Variants in BLMH observed in about 807,000 individuals in gnomAD.
BLMH encodes the protein bleomycin hydrolase.
A neutral mutation model predicts 61.6 loss-of-function variants in BLMH; 32 were observed. That is an observed-to-expected ratio of 0.52 (90% CI 0.39 to 0.70). The LOEUF (loss-of-function observed/expected upper bound fraction) is 0.70. BLMH is among the 30% of genes least tolerant of loss of function. BLMH has a pLI of 0.00. For synonymous variants in BLMH, 183 were observed against 193.8 expected, an observed-to-expected ratio of 0.94 and a Z score of 0.46; for missense variants, 460 against 555.5, an observed-to-expected ratio of 0.83 and a Z score of 1.73.
chr17:30,248,969 G>A lies in BLMH; in HGVS notation c.*48C>T. Reference sequence around the variant, plus strand: ...GCTTCAGTCCCTGGATCTGTCCTTTGCAGCTACGTCAGGTTCCATGGAAGG... The same window carrying A: ...GCTTCAGTCCCTGGATCTGTCCTTTACAGCTACGTCAGGTTCCATGGAAGG... On this transcript the variant is annotated 3_prime_UTR_variant, in exon 12 of 12. Coordinates refer to ENST00000261714, the MANE Select transcript of BLMH (RefSeq NM_000386.4). 1 of 1,606,034 alleles carries A rather than the reference G, an allele frequency of 6.2e-7. No homozygotes were observed. The highest frequency in any genetic ancestry group is 2.2e-5 in the East Asian group (1 of 44,844).
rs1012387288 is a variant in BLMH, at chr17:30,248,821, CTCTT to C, written c.*192_*195del. The C allele has an allele frequency of 1.7e-6, 1 of 605,582 alleles. No homozygotes were observed. Among genetic ancestry groups the C allele is most frequent in the African/African-American group, 1.9e-5 (1 of 53,580 alleles). 37.5% of individuals were successfully genotyped at this position (605,582 alleles called of 1,614,324 possible). A position where few individuals can be genotyped will look rare whatever the true frequency, so the allele number is the denominator to read the frequency against. On this transcript the variant is annotated 3_prime_UTR_variant, in exon 12 of 12. Coordinates refer to ENST00000261714, the MANE Select transcript of BLMH (RefSeq NM_000386.4). ...AGATAGTATGACCTGATCTTCCCCCCTCTTTTTTTTCCTTTAACAGTATTCTGTT... is the reference window on the plus strand; with the variant it reads ...AGATAGTATGACCTGATCTTCCCCCCTTTTTTCCTTTAACAGTATTCTGTT...
intron 6 of BLMH, among the ~76,000 whole-genome samples, chr17:30,277,383 TGAA>T (rs777540277): frequency 1.3e-5 from 2 of 152,258 alleles, no homozygotes; most frequent in African/African-American, 2.4e-5. Context: ...TCTGTCATTA[TGAA>T]GAAGACATTG....
intron 2 of BLMH, among the ~76,000 whole-genome samples, chr17:30,290,139 G>A (rs1908844452): frequency 1.3e-5 from 2 of 152,220 alleles, no homozygotes; most frequent in Middle Eastern, 3.4e-3. Context: ...CTATTAGTTC[G>A]TCTTTACCTT....
intron 6 of BLMH, among the ~76,000 whole-genome samples, chr17:30,282,430 C>G (rs1475087804): frequency 1.3e-5 from 2 of 152,084 alleles, no homozygotes; most frequent in African/African-American, 4.8e-5. Flanking sequence ...GTTGGCCAGG[C>G]TGGTCTTGAA....
intron 11 of BLMH, among the ~76,000 whole-genome samples, chr17:30,250,736 C>A (rs559067751): frequency 7.9e-5 from 12 of 152,282 alleles, no homozygotes; most frequent in African/African-American, 2.9e-4. Context: ...TACTGGGTAT[C>A]TACCCAAAGG....
intron 5 of BLMH, among the ~76,000 whole-genome samples, 183 bp downstream of exon 5, chr17:30,286,631 A>G (rs1406832333): frequency 6.6e-6 from 1 of 152,198 alleles, no homozygotes; most frequent in Admixed American, 6.5e-5. Context: ...TTTAAAAGGA[A>G]AAACCCTCTA....
intron 10 of BLMH, among the ~76,000 whole-genome samples, chr17:30,270,228 G>A (rs947865528): frequency 3.3e-5 from 5 of 152,104 alleles, no homozygotes; most frequent in South Asian, 2.1e-4. Flanking sequence ...AGCTGGGTGC[G>A]GTGGCTCATG....
intron 11 of BLMH, among the ~76,000 whole-genome samples, chr17:30,264,273 G>C (rs766198266): frequency 3.9e-5 from 6 of 152,150 alleles, no homozygotes; most frequent in Non-Finnish European, 7.4e-5. Flanking sequence ...AGGCATTTCA[G>C]TTATTTGAGA....
intron 10 of BLMH, among the ~76,000 whole-genome samples, chr17:30,268,001 C>A (rs1908157068): frequency 6.6e-6 from 1 of 152,206 alleles, no homozygotes; most frequent in Non-Finnish European, 1.5e-5. Context: ...ATAGCGCCAA[C>A]AAACTCACAA....
At chr17:30,276,834 G>C (rs895859077) in intron 6 of BLMH, among the ~76,000 whole-genome samples, 2 of 152,098 alleles carry the variant, frequency 1.3e-5, no homozygotes, top group African/African-American at 4.8e-5. Context: ...AGGCTCTGGA[G>C]GTTCTCTGGC....
At chr17:30,280,191 T>C (rs1908549590) in intron 6 of BLMH, among the ~76,000 whole-genome samples, 1 of 152,180 alleles carries the variant, frequency 6.6e-6, no homozygotes, top group Non-Finnish European at 1.5e-5. Flanking sequence ...ATATAATTCT[T>C]CTGCTTAAAA....
intron 6 of BLMH, among the ~76,000 whole-genome samples, chr17:30,275,977 G>C (rs944619541): frequency 6.6e-6 from 1 of 151,714 alleles, no homozygotes; most frequent in African/African-American, 2.4e-5. Flanking sequence ...CTAGGTCCAC[G>C]TAATTCTCAT....
At chr17:30,254,997 C>T (rs986866004) in intron 11 of BLMH, among the ~76,000 whole-genome samples, 41 of 152,178 alleles carry the variant, frequency 2.7e-4, no homozygotes, top group Non-Finnish European at 5.9e-4. Context: ...TTTTAAGTAC[C>T]GAATCTACAT....
At chr17:30,258,869 G>C (rs1452278271) in intron 11 of BLMH, among the ~76,000 whole-genome samples, 1 of 152,146 alleles carries the variant, frequency 6.6e-6, no homozygotes. Flanking sequence ...CAAAAGCTCT[G>C]TGAATGGCAA....
At chr17:30,283,850 G>A (rs1484272514) in intron 6 of BLMH, among the ~76,000 whole-genome samples, 1 of 152,028 alleles carries the variant, frequency 6.6e-6, no homozygotes, top group African/African-American at 2.4e-5. Context: ...CTAAATAAAG[G>A]CAAATTATGT....
At position 30,271,307 on chromosome 17, in the gene BLMH, C is replaced by G. The variant is rs767688358; in HGVS notation, c.1110G>C (p.Met370Ile). The change falls in exon 10 of 12, where the codon ATG becomes ATC. Residue 370 changes from methionine (M) to isoleucine (I), a missense_variant. Met to Ile is a conservative substitution (Grantham distance 10). This residue lies in a region of BLMH where 310 missense variants were observed against 371.1 expected (regional missense o/e 0.84). Coordinates refer to ENST00000261714, the MANE Select transcript of BLMH (RefSeq NM_000386.4). ...AERLTFGESL[M>I]THAMTFTAVS... Reference sequence around the variant, plus strand: ...CAGCAGTGAAGGTCATGGCGTGGGTCATAAGTGACTCACCAAAAGTCAGCC... The same window carrying G: ...CAGCAGTGAAGGTCATGGCGTGGGTGATAAGTGACTCACCAAAAGTCAGCC... The G allele has an allele frequency of 6.2e-7, 1 of 1,614,086 alleles. No individual in the cohort carries two copies.
At position 30,248,421 on chromosome 17, in the gene BLMH, A is replaced by G. The variant is rs1907583605; in HGVS notation, c.*596T>C. 9.5e-6 allele frequency: 1 copy of G among 105,514 alleles called. No homozygotes were observed. The highest frequency in any genetic ancestry group is 1.8e-5 in the Non-Finnish European group (1 of 54,522). The allele number at this position is 105,514 out of a possible 1,614,324, so 6.5% of individuals were successfully genotyped here. On this transcript the variant is annotated 3_prime_UTR_variant, in exon 12 of 12. Coordinates refer to ENST00000261714, the MANE Select transcript of BLMH (RefSeq NM_000386.4). ...TAAGCCTCTACTCAAACCTGACTCA[A>G]GCAGAGATGTGCACACCCCACAGTT...
At chr17:30,287,752 A>T (rs1908770858) in intron 4 of BLMH, 54 bp downstream of exon 4, 3 of 1,598,368 alleles carry the variant, frequency 1.9e-6, no homozygotes, top group Non-Finnish European at 2.6e-6. Context: ...ATGCCTAACT[A>T]CAGGCTTACT....
chr17:30,266,823 C>G lies in BLMH; in HGVS notation c.1216+62G>C, dbSNP rs113034738. 2,759 of 1,468,430 alleles carry G rather than the reference C, an allele frequency of 1.9e-3. 38 individuals carry two copies. The African/African-American group carries it at 0.033, about 18-fold the overall frequency. 91.0% of individuals were successfully genotyped at this position (1,468,430 alleles called of 1,614,324 possible). On this transcript the variant is annotated intron_variant, in intron 11 of 11. Transcript: ENST00000261714. ...CCTCCACACTAGAGCAGCTTGACAC[C>G]CAGACAGGCAGAGTAGAGCAGGCCC...
Sources: gnomAD v4.1 joint callset for allele counts (sites outside exome capture counted in the v4.1 genomes callset) on GRCh38, gnomAD v4.1.1 for gene constraint, gnomAD v4.1.1 regional missense constraint, MANE v1.5 for transcripts, NCBI Gene and HGNC (gene_info 2026-07-23, HGNC 2026-07-21) for gene names.